Variants in SMAD2 observed in about 807,000 individuals in gnomAD.
The protein encoded by SMAD2 is SMAD family member 2.
SMAD2 carries 8 observed loss-of-function variants against 64.4 expected under a neutral mutation model. The ratio of observed to expected loss-of-function variants is 0.12; its 90% CI spans 0.07 to 0.22. The LOEUF (loss-of-function observed/expected upper bound fraction) is 0.22, where lower values mean the gene tolerates loss of function less well. Ranked by LOEUF, SMAD2 falls within the 10% of genes least tolerant of loss-of-function variation. The pLI is 1.00. For missense variants in SMAD2, 289 were observed against 561.2 expected (o/e 0.51, Z 4.90); for synonymous variants, 203 against 195.8 (o/e 1.04, Z -0.31).
Position 47,818,144 on chromosome 18 carries a change from C to G in SMAD2, c.*23683G>C, listed in dbSNP as rs1353867387. On this transcript the variant is annotated 3_prime_UTR_variant, in exon 11 of 11. Transcript: ENST00000262160. ...TGATATGTAGAGTCTTCTAAGCTCT[C>G]TAATTTTTTTTCTGCCTACTTTAAA... The G allele has an allele frequency of 6.6e-6, 1 of 152,084 alleles. No individual in the cohort carries two copies. The highest frequency in any genetic ancestry group is 2.4e-5 in the African/African-American group (1 of 41,410). The allele number at this position is 152,084 out of a possible 1,614,324, so 9.4% of individuals were successfully genotyped here.
intron 6 of SMAD2, among the ~76,000 whole-genome samples, chr18:47,859,254 T>C (rs1403400766): frequency 6.6e-6 from 1 of 152,126 alleles, no homozygotes; most frequent in Non-Finnish European, 1.5e-5. Context: ...CTGAAAATTT[T>C]AACACTTATC....
At chr18:47,868,572 C>T (rs1368886129) in intron 4 of SMAD2, 115 bp from the exon 5 acceptor site, 1 of 785,596 alleles carries the variant, frequency 1.3e-6, no homozygotes, top group South Asian at 1.5e-5. Context: ...AAGCTAGGGT[C>T]CACCTACTCG....
rs116550324 is a variant in SMAD2, at chr18:47,910,660, G to A, written c.-53-13851C>T. On this transcript the variant is annotated intron_variant, in intron 1 of 10. Coordinates refer to ENST00000262160, the MANE Select transcript of SMAD2 (RefSeq NM_005901.6). ...TACTCAGAGTGAAGACAATGAGGAT[G>A]AAGACCTTCATGATGATCCACTTCC... 6.4e-3 allele frequency among the ~76,000 whole-genome samples: 981 copies of A among 152,306 alleles called. 11 individuals carry two copies. The highest frequency in any genetic ancestry group is 0.022 in the African/African-American group (899 of 41,568).
intron 1 of SMAD2, among the ~76,000 whole-genome samples, chr18:47,919,212 A>G (rs2034456902): frequency 6.6e-6 from 1 of 152,102 alleles, no homozygotes; most frequent in Non-Finnish European, 1.5e-5. Context: ...TCAAAAAAAA[A>G]TTTCCAACCT....
In SMAD2 at chr18:47,845,647, A is replaced by C; in HGVS notation, c.1135+16T>G. On this transcript the variant is annotated intron_variant, in intron 9 of 10. Coordinates refer to ENST00000262160, the MANE Select transcript of SMAD2 (RefSeq NM_005901.6). ...AAGTTGACATGATAGGTTTATGTAC[A>C]TTATTGAATCCATACCTGGTGGAAT... 1 of 1,613,724 alleles carries C rather than the reference A, an allele frequency of 6.2e-7. No individual in the cohort carries two copies. Among genetic ancestry groups the C allele is most frequent in the African/African-American group, 1.3e-5 (1 of 75,064 alleles).
At chr18:47,925,867 G>A (rs957545780) in intron 1 of SMAD2, among the ~76,000 whole-genome samples, 1 of 152,146 alleles carries the variant, frequency 6.6e-6, no homozygotes, top group African/African-American at 2.4e-5. Flanking sequence ...CTAATACTGG[G>A]CAGAAGTCAC....
intron 1 of SMAD2, among the ~76,000 whole-genome samples, chr18:47,903,125 G>A (rs1555660196): frequency 6.6e-6 from 1 of 152,022 alleles, no homozygotes; most frequent in Non-Finnish European, 1.5e-5. Context: ...GGAGGGACAG[G>A]CAAGAAAGGT....
At position 47,827,063 on chromosome 18, in the gene SMAD2, T is replaced by C. The variant is rs1321037710; in HGVS notation, c.*14764A>G. On this transcript the variant is annotated 3_prime_UTR_variant, in exon 11 of 11. Coordinates refer to ENST00000262160, the MANE Select transcript of SMAD2 (RefSeq NM_005901.6). The stretch of plus-strand genomic sequence containing the variant: ...CCTCCGATTCTGAGTCAAACTGCAT[T>C]TTCCATTACATCGGAAATGACCAAG... 6.6e-6 allele frequency: 1 copy of C among 152,214 alleles called. No individual in the cohort carries two copies. Among genetic ancestry groups the C allele is most frequent in the Non-Finnish European group, 1.5e-5 (1 of 68,032 alleles). The allele number at this position is 152,214 out of a possible 1,614,324, so 9.4% of individuals were successfully genotyped here. A position where few individuals can be genotyped will look rare whatever the true frequency, so the allele number is the denominator to read the frequency against.
chr18:47,843,175 G>T (rs910074667), intron 10 of SMAD2, among the ~76,000 whole-genome samples: 1 of 152,166 alleles, frequency 6.6e-6, no homozygotes, highest in Non-Finnish European at 1.5e-5. Flanking sequence ...TACCCAAAAA[G>T]GCTAGAGGTG....
Position 47,818,486 on chromosome 18 carries a change from G to A in SMAD2, c.*23341C>T, listed in dbSNP as rs188022393. 2 of 152,224 alleles carry A rather than the reference G, an allele frequency of 1.3e-5. No homozygotes were observed. Among genetic ancestry groups the A allele is most frequent in the African/African-American group, 2.4e-5 (1 of 41,534 alleles). The allele number at this position is 152,224 out of a possible 1,614,324, so 9.4% of individuals were successfully genotyped here. A position where few individuals can be genotyped will look rare whatever the true frequency, so the allele number is the denominator to read the frequency against. On this transcript the variant is annotated 3_prime_UTR_variant, in exon 11 of 11. Coordinates refer to ENST00000262160, the MANE Select transcript of SMAD2 (RefSeq NM_005901.6). Reference sequence around the variant, plus strand: ...AGGGCAATAATATAAGGTATCTCTGGTATAGCATAAAAATTGCTTGCCTGC... The same window carrying A: ...AGGGCAATAATATAAGGTATCTCTGATATAGCATAAAAATTGCTTGCCTGC...
chr18:47,879,021 A>G (rs1401890913), intron 2 of SMAD2, among the ~76,000 whole-genome samples: 1 of 152,162 alleles, frequency 6.6e-6, no homozygotes, highest in African/African-American at 2.4e-5. Flanking sequence ...CTATGCTCCT[A>G]GTATTCAGGA....
At chr18:47,887,301 C>T (rs542588993) in intron 2 of SMAD2, among the ~76,000 whole-genome samples, 46 of 152,216 alleles carry the variant, frequency 3.0e-4, no homozygotes, top group South Asian at 6.2e-4. Context: ...ATTCTTTTCA[C>T]GCTACCTCTT....
At chr18:47,852,380 T>C (rs993862597) in intron 6 of SMAD2, among the ~76,000 whole-genome samples, 12 of 152,158 alleles carry the variant, frequency 7.9e-5, no homozygotes, top group African/African-American at 2.9e-4. Flanking sequence ...ACTTTTAGGG[T>C]AATGTTTCTA....
At position 47,836,020 on chromosome 18, in the gene SMAD2, G is replaced by A. The variant is rs1398848155; in HGVS notation, c.*5807C>T. ...ACTCTTATATCTAAGCAATGGTGAAGTTCTGGATTCATTATGGATCTCATG... is the reference window on the plus strand; with the variant it reads ...ACTCTTATATCTAAGCAATGGTGAAATTCTGGATTCATTATGGATCTCATG... On this transcript the variant is annotated 3_prime_UTR_variant, in exon 11 of 11. Transcript: ENST00000262160. The A allele has an allele frequency of 4.7e-6, 1 of 213,344 alleles. No individual in the cohort carries two copies. Among genetic ancestry groups the A allele is most frequent in the African/African-American group, 2.3e-5 (1 of 44,194 alleles). 13.2% of individuals were successfully genotyped at this position (213,344 alleles called of 1,614,324 possible).
At chr18:47,913,013 A>T (rs558646986) in intron 1 of SMAD2, among the ~76,000 whole-genome samples, 88 of 151,882 alleles carry the variant, frequency 5.8e-4, no homozygotes, top group African/African-American at 2.1e-3. Context: ...TCCACCTCCC[A>T]GGTTCAAGCA....
chr18:47,927,676 G>A (rs2034820251), intron 1 of SMAD2, among the ~76,000 whole-genome samples: 1 of 152,178 alleles, frequency 6.6e-6, no homozygotes. Flanking sequence ...GAGGTGGGCG[G>A]ATCACCTGAG....
rs1913246890 is a variant in SMAD2, at chr18:47,834,713, C to A, written c.*7114G>T. On this transcript the variant is annotated 3_prime_UTR_variant, in exon 11 of 11. Transcript: ENST00000262160. ...AATTAGTGAGCAGTGTATAAAAGCT[C>A]ACTCTTGAAATCTGTTTTCAGACAA... 1 of 220,948 alleles carries A rather than the reference C, an allele frequency of 4.5e-6. No individual in the cohort carries two copies. Among genetic ancestry groups the A allele is most frequent in the Non-Finnish European group, 9.1e-6 (1 of 110,330 alleles). 13.7% of individuals were successfully genotyped at this position (220,948 alleles called of 1,614,324 possible).
chr18:47,839,412 C>A lies in SMAD2; in HGVS notation c.*2415G>T. The A allele has an allele frequency of 4.3e-6, 1 of 233,260 alleles. No homozygotes were observed. The highest frequency in any genetic ancestry group is 5.6e-5 in the Admixed American group (1 of 17,790). The allele number at this position is 233,260 out of a possible 1,614,324, so 14.4% of individuals were successfully genotyped here. ...GGCTCCACTGAGTATCTCCTACAGGCCTGATAGTGGTATTACCTAGGACAT... is the reference window on the plus strand; with the variant it reads ...GGCTCCACTGAGTATCTCCTACAGGACTGATAGTGGTATTACCTAGGACAT... On this transcript the variant is annotated 3_prime_UTR_variant, in exon 11 of 11. Coordinates refer to ENST00000262160, the MANE Select transcript of SMAD2 (RefSeq NM_005901.6).
intron 2 of SMAD2, among the ~76,000 whole-genome samples, chr18:47,883,511 TTAA>T (rs1242186406): frequency 6.6e-6 from 1 of 152,238 alleles, no homozygotes; most frequent in East Asian, 1.9e-4. Context: ...ATAATGTAAC[TTAA>T]TAATGTAACT....
Sources: allele counts gnomAD v4.1 joint callset (sites outside exome capture counted in the v4.1 genomes callset), GRCh38; gene constraint gnomAD v4.1.1; transcripts MANE v1.5; gene names NCBI Gene and HGNC (gene_info 2026-07-23, HGNC 2026-07-21).